MLXIPL: variants seen among roughly 807,000 people sequenced by gnomAD.
MLXIPL encodes the protein carbohydrate-responsive element-binding protein.
Under a neutral mutation model 81.5 loss-of-function variants are expected in MLXIPL, and 49 were observed. The ratio of observed to expected loss-of-function variants is 0.60; its 90% CI spans 0.48 to 0.76. MLXIPL has a LOEUF of 0.76. Among genes scored for constraint, MLXIPL ranks in the 30% least tolerant of loss-of-function variants. The probability of loss-of-function intolerance (pLI) is 0.00; values close to 1 mark genes in which losing one functional copy is unlikely to be tolerated. For missense variants in MLXIPL, 1,053 were observed against 1,167.0 expected (o/e 0.90, Z 1.42); for synonymous variants, 466 against 485.5 (o/e 0.96, Z 0.53).
At chr7:73,624,620 A>G (rs1168318353), upstream of MLXIPL, 7 of 1,378,976 alleles carry the variant, frequency 5.1e-6, no homozygotes, top group East Asian at 2.9e-5. Context: ...GGGGCCTGGG[A>G]CGGGGCGGGG....
At chr7:73,621,271 C>T (rs550288324) in intron 1 of MLXIPL, among the ~76,000 whole-genome samples, 3 of 151,734 alleles carry the variant, frequency 2.0e-5, no homozygotes, top group Non-Finnish European at 4.4e-5. Flanking sequence ...ACAAGTGCTT[C>T]CTTGAAGCTT....
chr7:73,606,479 G>T (rs111743618), intron 5 of MLXIPL: 4,044 of 338,994 alleles, frequency 0.012, 205 homozygotes, highest in African/African-American at 0.083. Flanking sequence ...AGGCTGGAGT[G>T]CAGTGGCGCA....
chr7:73,602,090 GCCTGCCTT>G (rs1173464361), intron 7 of MLXIPL, among the ~76,000 whole-genome samples: 5,063 of 144,162 alleles, frequency 0.035, 112 homozygotes, highest in East Asian at 0.051. Flanking sequence ...CTGCCTGCCT[GCCTGCCTT>G]CCTGCCTGCC....
chr7:73,613,692 C>T (rs62466302), intron 2 of MLXIPL, among the ~76,000 whole-genome samples: 6,148 of 152,336 alleles, frequency 0.04, 171 homozygotes, highest in Non-Finnish European at 0.062. Flanking sequence ...ATTTCCCAAG[C>T]CCACACAGTT....
intron 5 of MLXIPL, 89 bp downstream of exon 5, chr7:73,606,885 C>T: frequency 1.4e-6 from 2 of 1,417,502 alleles, no homozygotes; most frequent in Non-Finnish European, 9.8e-7. Flanking sequence ...CACTGTCTTG[C>T]CCACTGAGGC....
At chr7:73,646,287 C>A in the MLXIPL span, among the ~76,000 whole-genome samples, 1 of 152,156 alleles carries the variant, frequency 6.6e-6, no homozygotes, top group African/African-American at 2.4e-5. Flanking sequence ...GGAGACATGA[C>A]CTCTCCCACT....
Position 73,599,609 on chromosome 7 carries a change from G to T in MLXIPL, c.988C>A (p.Leu330Ile). The change falls in exon 8 of 17, where the codon CTC becomes ATC. Residue 330 changes from leucine (L) to isoleucine (I), a missense_variant. Physicochemically the swap from Leu to Ile is conservative, Grantham distance 5. Coordinates refer to ENST00000313375, the MANE Select transcript of MLXIPL (RefSeq NM_032951.3). ...GGGCCCAGGGTCCCACTGCTGAAGA[G>T]GGAGTCAACCACGGGGCTGAAGCTG... ...PPSFSPVVDS[L>I]FSSGTLGPEV... The T allele has an allele frequency of 2.5e-6, 4 of 1,612,076 alleles. No individual in the cohort carries two copies. Among genetic ancestry groups the T allele is most frequent in the Non-Finnish European group, 3.4e-6 (4 of 1,178,832 alleles).
chr7:73,642,862 T>TC, the MLXIPL span, among the ~76,000 whole-genome samples: 1 of 152,184 alleles, frequency 6.6e-6, no homozygotes, highest in Non-Finnish European at 1.5e-5. Flanking sequence ...CCCTCTCTTC[T>TC]CCCCCAAGTT....
the MLXIPL span, among the ~76,000 whole-genome samples, chr7:73,641,272 G>A: frequency 6.6e-6 from 1 of 152,078 alleles, no homozygotes; most frequent in Non-Finnish European, 1.5e-5. Flanking sequence ...AACCCTATAA[G>A]GGACTTTCCT....
chr7:73,630,697 G>T, the MLXIPL span, among the ~76,000 whole-genome samples: 1 of 152,338 alleles, frequency 6.6e-6, no homozygotes, highest in South Asian at 2.1e-4. Context: ...TTGAATGCCA[G>T]CCTGTTCCAC....
Position 73,596,903 on chromosome 7 carries a change from G to A in MLXIPL, c.1633C>T (p.Leu545Phe), listed in dbSNP as rs782654272. ...AKPEQALEPP[L>F]VSSTLLRSPG... ...GACCGGAGGAGGGTGCTGGATACAA[G>A]TGGTGGCTCCAGGGCTTGCTCCGGC... The change falls in exon 10 of 17, where the codon CTT becomes TTT. Residue 545 changes from leucine to phenylalanine, a missense_variant. Coordinates refer to ENST00000313375, the MANE Select transcript of MLXIPL (RefSeq NM_032951.3). This position sits in a 1 kb window ranked among gnomAD's most constrained non-coding sequence, Gnocchi z 4.7. The A allele has an allele frequency of 1.9e-6, 3 of 1,610,902 alleles. No homozygotes were observed. Among genetic ancestry groups the A allele is most frequent in the Non-Finnish European group, 2.5e-6 (3 of 1,179,710 alleles).
intron 7 of MLXIPL, 67 bp from the exon 8 acceptor site, chr7:73,599,762 G>A (rs1554595491): frequency 6.7e-7 from 1 of 1,500,424 alleles, no homozygotes; most frequent in East Asian, 2.3e-5. Context: ...CAGCTGAGAG[G>A]AGAGTGGCCT....
rs1584085491 is a variant in MLXIPL, at chr7:73,599,462, T to C, written c.1071+64A>G. The C allele has an allele frequency of 6.3e-6, 10 of 1,585,492 alleles. No individual in the cohort carries two copies. The Admixed American group carries it at 1.7e-4, about 27-fold the overall frequency. ...GGGAGTGTCTGATACCTCCTGGACA[T>C]GAACAGGGCAGGAACAGCTCTCAAG... On this transcript the variant is annotated intron_variant, in intron 8 of 16. Coordinates refer to ENST00000313375, the MANE Select transcript of MLXIPL (RefSeq NM_032951.3).
At chr7:73,616,787 G>A (rs1554600845) in intron 1 of MLXIPL, among the ~76,000 whole-genome samples, 1 of 148,176 alleles carries the variant, frequency 6.7e-6, no homozygotes, top group Non-Finnish European at 1.5e-5. Flanking sequence ...GGCGGAGGTT[G>A]CAGTGAGCTG....
the MLXIPL span, among the ~76,000 whole-genome samples, chr7:73,643,300 G>A: frequency 2.6e-4 from 39 of 152,250 alleles, no homozygotes; most frequent in African/African-American, 9.1e-4. Context: ...GGATCACGAG[G>A]TCAGGAGATC....
At chr7:73,594,217 G>T (rs1468545283) in intron 16 of MLXIPL, 57 bp downstream of exon 16, 4 of 1,605,478 alleles carry the variant, frequency 2.5e-6, no homozygotes, top group African/African-American at 1.3e-5. Context: ...AGGGTGGAAT[G>T]CTCCCTCCAC....
the MLXIPL span, among the ~76,000 whole-genome samples, chr7:73,636,435 GA>G: frequency 2.0e-5 from 3 of 151,552 alleles, no homozygotes; most frequent in Non-Finnish European, 4.4e-5. Flanking sequence ...GACGAAGTGA[GA>G]ATTAGTCACA....
chr7:73,602,114 G>GCCTTCCTT (rs1374241167), intron 7 of MLXIPL, among the ~76,000 whole-genome samples: 34 of 53,546 alleles, frequency 6.3e-4, no homozygotes, highest in Admixed American at 1.6e-3. Flanking sequence ...CTGCCTGCCT[G>GCCTTCCTT]CCTGCCTGCC....
intron 1 of MLXIPL, among the ~76,000 whole-genome samples, chr7:73,618,110 T>C (rs1322449157): frequency 6.6e-6 from 1 of 152,202 alleles, no homozygotes; most frequent in Non-Finnish European, 1.5e-5. Context: ...TTTTTTCATT[T>C]TTTTGAGATG....
Sources: gnomAD v4.1 joint callset for allele counts (sites outside exome capture counted in the v4.1 genomes callset) on GRCh38, gnomAD v4.1.1 for gene constraint, Gnocchi (gnomAD v3.1) non-coding constraint, MANE v1.5 for transcripts, NCBI Gene and HGNC (gene_info 2026-07-23, HGNC 2026-07-21) for gene names.